Variants in NCKAP1 observed in about 807,000 individuals in gnomAD.
The protein encoded by NCKAP1 is nck-associated protein 1.
Under a neutral mutation model 151.2 loss-of-function variants are expected in NCKAP1, and 21 were observed. The observed-to-expected ratio is 0.14, with a 90% CI of 0.10 to 0.20. NCKAP1 has a LOEUF of 0.20. Among genes scored for constraint, NCKAP1 ranks in the 10% least tolerant of loss-of-function variants. The pLI is 1.00. For missense variants in NCKAP1, 933 were observed against 1,352.1 expected, an observed-to-expected ratio of 0.69 and a Z score of 4.86; for synonymous variants, 484 against 451.8, an observed-to-expected ratio of 1.07 and a Z score of -0.90.
rs1041007970 is a variant in NCKAP1 at position 182,994,696 on chromosome 2, A to G, written c.790+143T>C. 3 of 670,210 alleles carry G rather than the reference A, an allele frequency of 4.5e-6. No individual in the cohort carries two copies. In the Admixed American group the frequency reaches 8.1e-5, roughly 18 times the overall value. The allele number at this position is 670,210 out of a possible 1,614,324, so 41.5% of individuals were successfully genotyped here. A position where few individuals can be genotyped will look rare whatever the true frequency, so the allele number is the denominator to read the frequency against. ...CAAACAGGCTATCTACTCTGATAGG[A>G]TCAATATGAGGACTGAAAGAGGTAA... On this transcript the variant is annotated intron_variant, in intron 8 of 30. Coordinates refer to ENST00000361354, the MANE Select transcript of NCKAP1 (RefSeq NM_013436.5).
chr2:182,954,093 T>A (rs1185758720), intron 20 of NCKAP1, among the ~76,000 whole-genome samples: 1 of 152,052 alleles, frequency 6.6e-6, no homozygotes, highest in Non-Finnish European at 1.5e-5. Flanking sequence ...AGGAAAAAAA[T>A]AAAGCTCAGG....
intron 2 of NCKAP1, 65 bp from the exon 3 acceptor site, chr2:183,003,390 T>G (rs1030716677): frequency 2.1e-6 from 2 of 940,548 alleles, no homozygotes; most frequent in African/African-American, 3.4e-5. Flanking sequence ...TACTACAAAC[T>G]ATCTTCTTTT....
chr2:182,942,422 A>T (rs1040256980), intron 23 of NCKAP1, among the ~76,000 whole-genome samples: 3 of 152,158 alleles, frequency 2.0e-5, no homozygotes, highest in Non-Finnish European at 4.4e-5. Flanking sequence ...TAGGATAAAG[A>T]ATCATCTTAT....
Position 182,917,592 on chromosome 2 carries a change from C to T in NCKAP1, c.*8110G>A, listed in dbSNP as rs749370084. ...AAAATAAGTTCATCTTTCATAAAGG[C>T]AGAATTAATCCATCAATCACATTTA... is the stretch of plus-strand genomic sequence containing the variant. On this transcript the variant is annotated 3_prime_UTR_variant, in exon 31 of 31. Coordinates refer to ENST00000361354, the MANE Select transcript of NCKAP1 (RefSeq NM_013436.5). The T allele has an allele frequency of 2.0e-5, 3 of 152,096 alleles. No homozygotes were observed. The East Asian group carries it at 5.8e-4, about 29-fold the overall frequency. The allele number at this position is 152,096 out of a possible 1,614,324, so 9.4% of individuals were successfully genotyped here.
At chr2:183,004,543 T>C (rs993414789) in intron 2 of NCKAP1, among the ~76,000 whole-genome samples, 1 of 146,750 alleles carries the variant, frequency 6.8e-6, no homozygotes, top group South Asian at 2.1e-4. Context: ...CCTACTATTA[T>C]AGGGTAAACC....
At chr2:183,002,948 G>A in intron 4 of NCKAP1, 26 bp downstream of exon 4, 1 of 1,569,824 alleles carries the variant, frequency 6.4e-7, no homozygotes, top group East Asian at 2.2e-5. Flanking sequence ...AGAATAATTG[G>A]ACATTTTTCT....
At chr2:183,029,454 T>C (rs1698963126) in intron 1 of NCKAP1, among the ~76,000 whole-genome samples, 1 of 150,820 alleles carries the variant, frequency 6.6e-6, no homozygotes, top group African/African-American at 2.4e-5. Context: ...GAACTTACCA[T>C]GATGCCAAAA....
intron 15 of NCKAP1, among the ~76,000 whole-genome samples, chr2:182,967,879 T>C (rs1197398655): frequency 6.6e-6 from 1 of 152,084 alleles, no homozygotes; most frequent in Non-Finnish European, 1.5e-5. Context: ...AAAAAAGTGA[T>C]AGAACTAAAC....
At position 182,909,662 on chromosome 2, in the gene NCKAP1, A is replaced by T. The variant is rs1696357832; in HGVS notation, c.*16040T>A. ...GTTGTTGTTTTATTTGTTTAAGTAA[A>T]CAATCACTTTTAAAGCCAAGGTTTC... On this transcript the variant is annotated 3_prime_UTR_variant, in exon 31 of 31. Transcript: ENST00000361354. 6.6e-6 allele frequency: 1 copy of T among 152,284 alleles called. No homozygotes were observed. Among genetic ancestry groups the T allele is most frequent in the South Asian group, 2.1e-4 (1 of 4,828 alleles). 9.4% of individuals were successfully genotyped at this position (152,284 alleles called of 1,614,324 possible). A position where few individuals can be genotyped will look rare whatever the true frequency, so the allele number is the denominator to read the frequency against.
chr2:183,014,656 ATG>A (rs1371957795), intron 2 of NCKAP1, among the ~76,000 whole-genome samples: 1 of 152,190 alleles, frequency 6.6e-6, no homozygotes, highest in East Asian at 1.9e-4. Flanking sequence ...ACTCTGCAAC[ATG>A]TGTTATTTAT....
At chr2:182,996,017 G>A (rs1482050647) in intron 6 of NCKAP1, among the ~76,000 whole-genome samples, 179 bp from the exon 7 acceptor site, 1 of 151,906 alleles carries the variant, frequency 6.6e-6, no homozygotes, top group Non-Finnish European at 1.5e-5. Flanking sequence ...GAATTTTTTT[G>A]CTAACGTTAT....
Position 182,956,443 on chromosome 2 carries a change from A to G in NCKAP1, c.2153+19T>C. On this transcript the variant is annotated intron_variant, in intron 20 of 30. Coordinates refer to ENST00000361354, the MANE Select transcript of NCKAP1 (RefSeq NM_013436.5). ...CATTACTGAGTCAACAAACAAAAAC[A>G]GTCAATATTCTTTCTTACTTGGTAA... is the stretch of plus-strand genomic sequence containing the variant. The G allele has an allele frequency of 6.2e-7, 1 of 1,604,052 alleles. No homozygotes were observed.
intron 15 of NCKAP1, among the ~76,000 whole-genome samples, chr2:182,976,257 C>G (rs1697820908): frequency 6.6e-6 from 1 of 152,096 alleles, no homozygotes; most frequent in Admixed American, 6.5e-5. Flanking sequence ...ATTCTTAATG[C>G]CTTTAGGAAC....
intron 1 of NCKAP1, among the ~76,000 whole-genome samples, chr2:183,037,586 G>A (rs1313927628): frequency 6.6e-6 from 1 of 152,158 alleles, no homozygotes; most frequent in African/African-American, 2.4e-5. Flanking sequence ...TGCCATCTCC[G>A]TAAGAATATG....
intron 24 of NCKAP1, among the ~76,000 whole-genome samples, chr2:182,940,423 C>T (rs1424439263): frequency 6.6e-6 from 1 of 151,848 alleles, no homozygotes; most frequent in Non-Finnish European, 1.5e-5. Context: ...CTTTTCTTTT[C>T]CTTTTGGTAT....
At position 182,994,866 on chromosome 2, in the gene NCKAP1, A is replaced by G; in HGVS notation, c.763T>C (p.Leu255=). The G allele has an allele frequency of 6.2e-7, 1 of 1,606,952 alleles. No homozygotes were observed. Among genetic ancestry groups the G allele is most frequent in the East Asian group, 2.2e-5 (1 of 44,808 alleles). The change falls in exon 8 of 31, where the codon TTG becomes CTG. Residue 255 remains leucine, a synonymous_variant. Coordinates refer to ENST00000361354, the MANE Select transcript of NCKAP1 (RefSeq NM_013436.5). ...ATAATCCACTTTTCCATTGCATCCA[A>G]AGAGAGGTATTCACAAGGCATCTTA... ...SDTMPCEYLS[L]DAMEKWIIFG...
In NCKAP1 at chr2:182,915,204, G is replaced by A. The variant is rs1696448273; in HGVS notation, c.*10498C>T. ...TCTAGACTAGGCTTCACATAGGGTGGCTTGCAGCATTTAGAAGCATTTCTC... is the reference window on the plus strand; with the variant it reads ...TCTAGACTAGGCTTCACATAGGGTGACTTGCAGCATTTAGAAGCATTTCTC... On this transcript the variant is annotated 3_prime_UTR_variant, in exon 31 of 31. Transcript: ENST00000361354. 6.6e-6 allele frequency: 1 copy of A among 152,222 alleles called. No individual in the cohort carries two copies. Among genetic ancestry groups the A allele is most frequent in the South Asian group, 2.1e-4 (1 of 4,830 alleles). The allele number at this position is 152,222 out of a possible 1,614,324, so 9.4% of individuals were successfully genotyped here. A position where few individuals can be genotyped will look rare whatever the true frequency, so the allele number is the denominator to read the frequency against.
Position 183,003,010 on chromosome 2 carries a change from C to T in NCKAP1, c.333G>A (p.Leu111=), listed in dbSNP as rs763426336. 2 of 1,608,434 alleles carry T rather than the reference C, an allele frequency of 1.2e-6. No homozygotes were observed. Among genetic ancestry groups the T allele is most frequent in the Middle Eastern group, 1.7e-4 (1 of 6,024 alleles). The change falls in exon 4 of 31, where the codon CTG becomes CTA. Residue 111 remains leucine, a synonymous_variant. Coordinates refer to ENST00000361354, the MANE Select transcript of NCKAP1 (RefSeq NM_013436.5). ...AGACTTGGCAAACGTCAATAGTATTCAGCAATTCACAAACATGGTCCTGAA... is the reference window on the plus strand; with the variant it reads ...AGACTTGGCAAACGTCAATAGTATTTAGCAATTCACAAACATGGTCCTGAA... ...MEFKDHVCEL[L]NTIDVCQVFF...
chr2:182,965,017 T>A (rs911098710), intron 16 of NCKAP1, among the ~76,000 whole-genome samples: 8 of 152,190 alleles, frequency 5.3e-5, no homozygotes, highest in Non-Finnish European at 1.2e-4. Context: ...AACAACATTT[T>A]AAAAAATAAT....
Sources: allele counts gnomAD v4.1 joint callset (sites outside exome capture counted in the v4.1 genomes callset), GRCh38; gene constraint gnomAD v4.1.1; transcripts MANE v1.5; gene names NCBI Gene and HGNC (gene_info 2026-07-23, HGNC 2026-07-21).